NNT: variants seen among roughly 807,000 people sequenced by gnomAD.
NNT encodes nicotinamide nucleotide transhydrogenase.
NNT carries 50 observed loss-of-function variants against 104.8 expected under a neutral mutation model. The observed-to-expected ratio is 0.48, with a 90% CI of 0.38 to 0.60. The LOEUF (loss-of-function observed/expected upper bound fraction) is 0.60. Ranked by LOEUF, NNT falls within the 20% of genes least tolerant of loss-of-function variation. The pLI is 0.00. For synonymous variants in NNT, 461 were observed against 490.4 expected (o/e 0.94, Z 0.79); for missense variants, 1,131 against 1,330.7 (o/e 0.85, Z 2.33).
In NNT at chr5:43,616,027, G is replaced by A. The variant is rs781099141; in HGVS notation, c.561G>A (p.Gln187=). Residue 187 remains glutamine (Q), a synonymous_variant, in exon 4 of 22, where the codon CAG becomes CAA. Coordinates refer to ENST00000344920, the MANE Select transcript of NNT (RefSeq NM_182977.3). The stretch of plus-strand genomic sequence containing the variant: ...AGGTTCCAAGAGTCACAATTGCTCA[G>A]GGATATGATGCGCTAAGCTCCATGG... ...MDQVPRVTIA[Q]GYDALSSMAN... is the part of the protein sequence containing the mutation. 3.1e-6 allele frequency: 5 copies of A among 1,614,114 alleles called. No homozygotes were observed. Among genetic ancestry groups the A allele is most frequent in the Non-Finnish European group, 4.2e-6 (5 of 1,180,012 alleles).
At chr5:43,694,005 T>G (rs1742426666) in intron 19 of NNT, among the ~76,000 whole-genome samples, 1 of 152,214 alleles carries the variant, frequency 6.6e-6, no homozygotes, top group African/African-American at 2.4e-5. Flanking sequence ...TGTGTCCCAT[T>G]CCTGACATAA....
At chr5:43,682,313 C>T (rs186602500) in intron 19 of NNT, among the ~76,000 whole-genome samples, 26 of 149,068 alleles carry the variant, frequency 1.7e-4, no homozygotes, top group African/African-American at 5.7e-4. Flanking sequence ...TAGGTTTAAG[C>T]GATTCTCCCA....
chr5:43,615,933 A>T lies in NNT; in HGVS notation c.467A>T (p.Tyr156Phe), dbSNP rs765796011. Residue 156 changes from tyrosine (Y) to phenylalanine (F), a missense_variant, in exon 4 of 22, where the codon TAC (tyrosine) becomes TTC (phenylalanine). Coordinates refer to ENST00000344920, the MANE Select transcript of NNT (RefSeq NM_182977.3). Reference protein sequence around the residue: ...KTSGTLISFIYPAQNPELLNK... With the variant: ...KTSGTLISFIFPAQNPELLNK... ...TCAGGAACGCTGATTAGTTTTATTT[A>T]CCCAGCCCAAAATCCAGAGTTGCTA... The T allele has an allele frequency of 1.9e-6, 3 of 1,614,008 alleles. No homozygotes were observed. Among genetic ancestry groups the T allele is most frequent in the Admixed American group, 3.3e-5 (2 of 60,002 alleles).
In NNT at chr5:43,619,051, G is replaced by C; in HGVS notation, c.619G>C (p.Ala207Pro). 6.5e-7 allele frequency: 1 copy of C among 1,548,666 alleles called. No homozygotes were observed. Among genetic ancestry groups the C allele is most frequent in the Non-Finnish European group, 8.7e-7 (1 of 1,145,340 alleles). The part of the protein sequence containing the change: ...NIAGYKAVVL[A>P]ANHFGRFFTG... Reference sequence around the variant, plus strand: ...TTAAAGTTATAAGGCTGTTGTCCTAGCAGCAAATCATTTTGGACGTTTTTT... The same window carrying C: ...TTAAAGTTATAAGGCTGTTGTCCTACCAGCAAATCATTTTGGACGTTTTTT... Residue 207 changes from alanine (A) to proline (P), a missense_variant, in exon 5 of 22, where the codon GCA becomes CCA. Ala to Pro is a conservative substitution (Grantham distance 27). Transcript: ENST00000344920.
chr5:43,689,124 C>T (rs1038085526), intron 19 of NNT, among the ~76,000 whole-genome samples: 1 of 152,144 alleles, frequency 6.6e-6, no homozygotes, highest in African/African-American at 2.4e-5. Flanking sequence ...GTTTTCATTT[C>T]CTTGATAATT....
At chr5:43,625,858 G>A (rs180909111) in intron 6 of NNT, among the ~76,000 whole-genome samples, 246 of 152,042 alleles carry the variant, frequency 1.6e-3, no homozygotes, top group Non-Finnish European at 3.0e-3. Context: ...AAGTCTCACT[G>A]CCTAGAGATT....
intron 7 of NNT, among the ~76,000 whole-genome samples, chr5:43,640,240 A>G (rs2111792898): frequency 6.6e-6 from 1 of 152,268 alleles, no homozygotes; most frequent in Admixed American, 6.5e-5. Flanking sequence ...ATTTGTAAAC[A>G]TTGGATATAT....
At chr5:43,637,319 C>A (rs1199323846) in intron 7 of NNT, among the ~76,000 whole-genome samples, 2 of 152,106 alleles carry the variant, frequency 1.3e-5, no homozygotes, top group Non-Finnish European at 2.9e-5. Flanking sequence ...TCTATCATTT[C>A]TTATTCTCAC....
intron 19 of NNT, among the ~76,000 whole-genome samples, chr5:43,680,029 G>C (rs1214516015): frequency 6.6e-6 from 1 of 151,252 alleles, no homozygotes; most frequent in Non-Finnish European, 1.5e-5. Flanking sequence ...ATAGTATGTT[G>C]AATTTTCAAC....
chr5:43,697,060 C>A (rs1471640632), intron 19 of NNT, among the ~76,000 whole-genome samples: 1 of 152,232 alleles, frequency 6.6e-6, no homozygotes, highest in Non-Finnish European at 1.5e-5. Context: ...TGAATTTCTC[C>A]TCAGAAAATG....
At chr5:43,672,291 G>C (rs1484672055) in intron 17 of NNT, among the ~76,000 whole-genome samples, 1 of 152,236 alleles carries the variant, frequency 6.6e-6, no homozygotes, top group Non-Finnish European at 1.5e-5. Context: ...ACTTGTCAAA[G>C]TCATTCTCCA....
At position 43,671,555 on chromosome 5, in the gene NNT, C is replaced by T. The variant is rs1741090915; in HGVS notation, c.2635-3956C>T. Reference sequence around the variant, plus strand: ...CCTTGACTTATGAAGCTTAGTTTGGCTGGATATGAAATTCTGGGTTGAAAA... The same window carrying T: ...CCTTGACTTATGAAGCTTAGTTTGGTTGGATATGAAATTCTGGGTTGAAAA... On this transcript the variant is annotated intron_variant, in intron 17 of 21. Coordinates refer to ENST00000344920, the MANE Select transcript of NNT (RefSeq NM_182977.3). Among the ~76,000 whole-genome samples the T allele has an allele frequency of 3.3e-5, 5 of 152,280 alleles. 1 individual carries two copies. The highest frequency in any genetic ancestry group is 3.3e-4 in the Admixed American group (5 of 15,290).
intron 19 of NNT, among the ~76,000 whole-genome samples, chr5:43,696,994 G>T (rs146909144): frequency 1.2e-4 from 19 of 152,268 alleles, no homozygotes; most frequent in African/African-American, 4.1e-4. Context: ...TTTCTCCATG[G>T]TCTTGGGGAT....
Position 43,705,055 on chromosome 5 carries a change from G to A in NNT, c.*651G>A, listed in dbSNP as rs143831033. The A allele has an allele frequency of 1.3e-5, 2 of 152,076 alleles. No individual in the cohort carries two copies. The highest frequency in any genetic ancestry group is 4.8e-5 in the African/African-American group (2 of 41,484). 9.4% of individuals were successfully genotyped at this position (152,076 alleles called of 1,614,324 possible). A position where few individuals can be genotyped will look rare whatever the true frequency, so the allele number is the denominator to read the frequency against. On this transcript the variant is annotated 3_prime_UTR_variant, in exon 22 of 22. Coordinates refer to ENST00000344920, the MANE Select transcript of NNT (RefSeq NM_182977.3). ...TGGAAACAAATCATTTGCTTTATAT[G>A]TTTCATTAGAATACCAATGAAACAT...
intron 19 of NNT, among the ~76,000 whole-genome samples, chr5:43,684,682 T>C (rs1235156084): frequency 6.6e-6 from 1 of 152,104 alleles, no homozygotes; most frequent in Non-Finnish European, 1.5e-5. Flanking sequence ...GCTGACACCA[T>C]GATTTGGAAA....
At chr5:43,662,335 C>T (rs898143209) in intron 17 of NNT, among the ~76,000 whole-genome samples, 1 of 152,116 alleles carries the variant, frequency 6.6e-6, no homozygotes. Context: ...GTACTCTCTT[C>T]TACGTGTTCT....
At chr5:43,655,113 G>C (rs1325342232) in intron 14 of NNT, among the ~76,000 whole-genome samples, 4 of 152,170 alleles carry the variant, frequency 2.6e-5, no homozygotes, top group East Asian at 1.9e-4. Flanking sequence ...TCATGTTCCA[G>C]GTGTTTCTTA....
At position 43,619,035 on chromosome 5, in the gene NNT, TA is replaced by T; in HGVS notation, c.605del (p.Lys202ArgfsTer5). 1 of 1,519,704 alleles carries T rather than the reference TA, an allele frequency of 6.6e-7. No individual in the cohort carries two copies. Among genetic ancestry groups the T allele is most frequent in the Non-Finnish European group, 8.9e-7 (1 of 1,127,264 alleles). 94.1% of individuals were successfully genotyped at this position (1,519,704 alleles called of 1,614,324 possible). A position where few individuals can be genotyped will look rare whatever the true frequency, so the allele number is the denominator to read the frequency against. On this transcript the variant is annotated frameshift_variant, in exon 5 of 22. Transcript: ENST00000344920. LOFTEE classifies it high-confidence loss of function. ...ATTTATTTATTTATTTTTAAAGTTA[TA>T]AGGCTGTTGTCCTAGCAGCAAATCA... ...LSSMANIAGYKAVVLAANHFG... is the reference protein window; with the variant it reads ...LSSMANIAGYXAVVLAANHFG...
chr5:43,608,055 T>G (rs910636497), intron 1 of NNT, among the ~76,000 whole-genome samples: 6 of 152,102 alleles, frequency 3.9e-5, no homozygotes, highest in African/African-American at 1.4e-4. Flanking sequence ...TTCAGCCTCC[T>G]GAGTAGCCAG....
Sources: gnomAD v4.1 joint callset for allele counts (sites outside exome capture counted in the v4.1 genomes callset) on GRCh38, gnomAD v4.1.1 for gene constraint, MANE v1.5 for transcripts, NCBI Gene and HGNC (gene_info 2026-07-23, HGNC 2026-07-21) for gene names.